MACROD2: variants seen among roughly 807,000 people sequenced by gnomAD.
MACROD2 encodes the protein ADP-ribose glycohydrolase MACROD2.
In MACROD2, 36 loss-of-function variants were observed where a neutral mutation model predicts 70.4. The observed-to-expected ratio is 0.51, with a 90% CI of 0.39 to 0.68. The LOEUF is 0.68. Ranked by LOEUF, MACROD2 falls within the 30% of genes least tolerant of loss-of-function variation. MACROD2 has a pLI of 0.00. For synonymous variants in MACROD2, 172 were observed against 178.8 expected (o/e 0.96, Z 0.30); for missense variants, 496 against 538.4 (o/e 0.92, Z 0.78).
At chr20:14,024,302 G>A (rs2053126927) in intron 2 of MACROD2, among the ~76,000 whole-genome samples, 1 of 151,802 alleles carries the variant, frequency 6.6e-6, no homozygotes, top group Non-Finnish European at 1.5e-5. Flanking sequence ...GAGATGATGG[G>A]GTTTTCTAAA....
intron 3 of MACROD2, among the ~76,000 whole-genome samples, chr20:14,371,178 T>C (rs1485971775): frequency 6.6e-6 from 1 of 152,188 alleles, no homozygotes; most frequent in African/African-American, 2.4e-5. Context: ...CTTAATTTTT[T>C]GTAAGTTTTA....
Position 15,155,433 on chromosome 20 carries a change from A to G in MACROD2, c.419-74507A>G, listed in dbSNP as rs559050706. 2.0e-4 allele frequency among the ~76,000 whole-genome samples: 31 copies of G among 152,256 alleles called. 1 individual carries two copies. Among genetic ancestry groups the G allele is most frequent in the African/African-American group, 3.1e-4 (13 of 41,560 alleles). ...TCCCTAACAATCTGTCTGATTCTCC[A>G]TGACTTTCCTTAGCCTGCCCCCTCC... On this transcript the variant is annotated intron_variant, in intron 5 of 17. Transcript: ENST00000684519.
intron 3 of MACROD2, among the ~76,000 whole-genome samples, chr20:14,214,938 C>T (rs2122145809): frequency 6.6e-6 from 1 of 151,464 alleles, no homozygotes; most frequent in East Asian, 1.9e-4. Flanking sequence ...TTAATTCATT[C>T]CTTTTTATGG....
intron 5 of MACROD2, among the ~76,000 whole-genome samples, chr20:14,958,000 C>T (rs2074552200): frequency 6.6e-6 from 1 of 152,042 alleles, no homozygotes; most frequent in Admixed American, 6.6e-5. Flanking sequence ...TTTTGCCAAC[C>T]TAATAATATC....
intron 3 of MACROD2, among the ~76,000 whole-genome samples, chr20:14,429,283 A>G (rs2083968733): frequency 6.6e-6 from 1 of 152,130 alleles, no homozygotes; most frequent in African/African-American, 2.4e-5. Context: ...TATAACCAGG[A>G]TGATTTCTGT....
chr20:15,340,643 A>T (rs1395181464), intron 6 of MACROD2, among the ~76,000 whole-genome samples: 2 of 152,090 alleles, frequency 1.3e-5, no homozygotes, highest in Non-Finnish European at 2.9e-5. Context: ...ACCTATCCCC[A>T]GCTTACTATG....
chr20:15,756,655 A>G (rs1157101053), intron 8 of MACROD2, among the ~76,000 whole-genome samples: 3 of 152,138 alleles, frequency 2.0e-5, no homozygotes, highest in East Asian at 1.9e-4. Flanking sequence ...TGAATAACCA[A>G]CAACACCTGC....
Position 14,326,100 on chromosome 20 carries a change from C to T in MACROD2, c.272-167379C>T, listed in dbSNP as rs369777520. The T allele has an allele frequency of 4.3e-6, 7 of 1,613,846 alleles. No homozygotes were observed. The highest frequency in any genetic ancestry group is 5.9e-6 in the Non-Finnish European group (7 of 1,179,850). ...ATACTTTATAGGGTGAATCAGGCTC[C>T]AGGGCTGTGACCAAGTACTCACTGC... On this transcript the variant is annotated intron_variant, in intron 3 of 17. Coordinates refer to ENST00000684519, the MANE Select transcript of MACROD2 (RefSeq NM_001351661.2). This position sits in a 1 kb window ranked among gnomAD's most constrained non-coding sequence, Gnocchi z 5.5.
At chr20:14,706,280 C>T (rs1481991539) in intron 5 of MACROD2, among the ~76,000 whole-genome samples, 1 of 150,878 alleles carries the variant, frequency 6.6e-6, no homozygotes, top group Non-Finnish European at 1.5e-5. Context: ...TGCCACTGCA[C>T]TCCAGCCTGG....
At chr20:14,715,122 C>T (rs2071382513) in intron 5 of MACROD2, among the ~76,000 whole-genome samples, 1 of 152,128 alleles carries the variant, frequency 6.6e-6, no homozygotes, top group African/African-American at 2.4e-5. Flanking sequence ...AACTTACAAT[C>T]ATGGCAGAAG....
At chr20:14,940,629 T>C (rs925136423) in intron 5 of MACROD2, among the ~76,000 whole-genome samples, 1 of 151,146 alleles carries the variant, frequency 6.6e-6, no homozygotes, top group African/African-American at 2.4e-5. Flanking sequence ...TTTTCTAAAA[T>C]GCTTTTTCAG....
In MACROD2 at chr20:14,806,175, T is replaced by A. The variant is rs140867960; in HGVS notation, c.418+121216T>A. On this transcript the variant is annotated intron_variant, in intron 5 of 17. Coordinates refer to ENST00000684519, the MANE Select transcript of MACROD2 (RefSeq NM_001351661.2). ...TGACAGTGACTCGAAGAGGGCCGAATAGGATCAGCTCAGATCTGGAGCTCC... is the reference window on the plus strand; with the variant it reads ...TGACAGTGACTCGAAGAGGGCCGAAAAGGATCAGCTCAGATCTGGAGCTCC... Among the ~76,000 whole-genome samples the A allele has an allele frequency of 9.5e-4, 145 of 152,234 alleles. 1 individual carries two copies. Among genetic ancestry groups the A allele is most frequent in the African/African-American group, 3.2e-3 (131 of 41,536 alleles).
chr20:14,441,185 C>T (rs2084117989), intron 3 of MACROD2, among the ~76,000 whole-genome samples: 1 of 152,106 alleles, frequency 6.6e-6, no homozygotes, highest in Non-Finnish European at 1.5e-5. Context: ...CCTTAAGAGA[C>T]CTTGCACCTT....
At chr20:15,525,960 A>G (rs1364519446) in intron 8 of MACROD2, among the ~76,000 whole-genome samples, 1 of 152,234 alleles carries the variant, frequency 6.6e-6, no homozygotes, top group Admixed American at 6.5e-5. Context: ...GGGACAAATT[A>G]ATATTGATGG....
chr20:16,043,487 G>A (rs577117941), intron 16 of MACROD2, among the ~76,000 whole-genome samples: 1 of 152,204 alleles, frequency 6.6e-6, no homozygotes, highest in South Asian at 2.1e-4. Context: ...TTTGATGCTT[G>A]AGAAAATATC....
intron 8 of MACROD2, among the ~76,000 whole-genome samples, chr20:15,664,254 A>G (rs79963405): frequency 0.015 from 2,290 of 152,292 alleles, 65 homozygotes; most frequent in African/African-American, 0.053. Context: ...CAAAGGAGGA[A>G]CTGAAATATT....
intron 9 of MACROD2, among the ~76,000 whole-genome samples, chr20:15,876,689 A>G (rs879688052): frequency 4.6e-5 from 7 of 152,146 alleles, no homozygotes; most frequent in Non-Finnish European, 1.0e-4. Context: ...GAGTCGCCAC[A>G]CTGTCTTCCA....
intron 2 of MACROD2, among the ~76,000 whole-genome samples, chr20:14,033,852 G>C (rs1351614428): frequency 6.6e-6 from 1 of 152,058 alleles, no homozygotes; most frequent in Non-Finnish European, 1.5e-5. Context: ...CACACAGAAT[G>C]ATGCTCTAGT....
intron 15 of MACROD2, among the ~76,000 whole-genome samples, 162 bp from the exon 16 acceptor site, chr20:16,041,039 A>C (rs2067300624): frequency 6.6e-6 from 1 of 152,054 alleles, no homozygotes; most frequent in African/African-American, 2.4e-5. Context: ...GTATTCAAGC[A>C]ACTCAACCCT....
Sources: gnomAD v4.1 joint callset for allele counts (sites outside exome capture counted in the v4.1 genomes callset) on GRCh38, gnomAD v4.1.1 for gene constraint, Gnocchi (gnomAD v3.1) non-coding constraint, MANE v1.5 for transcripts, NCBI Gene and HGNC (gene_info 2026-07-23, HGNC 2026-07-21) for gene names.